Variants in LRP6 observed in about 807,000 individuals in gnomAD.
LRP6 encodes the protein LDL receptor related protein 6.
Under a neutral mutation model 184.1 loss-of-function variants are expected in LRP6, and 43 were observed. The ratio of observed to expected loss-of-function variants is 0.23; its 90% CI spans 0.18 to 0.30. The LOEUF (loss-of-function observed/expected upper bound fraction) is 0.30, where lower values mean the gene tolerates loss of function less well. Among genes scored for constraint, LRP6 ranks in the 10% least tolerant of loss-of-function variants. The pLI, the probability that LRP6 is intolerant of heterozygous loss-of-function variation, is 1.00. For missense variants in LRP6, 1,571 were observed against 2,005.3 expected, an observed-to-expected ratio of 0.78 and a Z score of 4.14; for synonymous variants, 719 against 684.9, an observed-to-expected ratio of 1.05 and a Z score of -0.78.
At chr12:12,238,206 T>A in intron 2 of LRP6, among the ~76,000 whole-genome samples, 1 of 142,808 alleles carries the variant, frequency 7.0e-6, no homozygotes. Flanking sequence ...ATTTTGTATC[T>A]AGATGGCAGG....
intron 15 of LRP6, 57 bp downstream of exon 15, chr12:12,147,309 A>G (rs1950022467): frequency 1.3e-6 from 2 of 1,566,644 alleles, no homozygotes; most frequent in South Asian, 1.1e-5. Context: ...GAAAAACACA[A>G]TAGATGAATC....
intron 1 of LRP6, among the ~76,000 whole-genome samples, chr12:12,254,876 C>T (rs1431230440): frequency 6.6e-6 from 1 of 152,098 alleles, no homozygotes; most frequent in African/African-American, 2.4e-5. Context: ...CAGGAATTCA[C>T]CCAAATTTAT....
chr12:12,126,461 T>C lies in LRP6; in HGVS notation c.4312+230A>G, dbSNP rs3825258. On this transcript the variant is annotated intron_variant, in intron 20 of 22. Transcript: ENST00000261349. The stretch of plus-strand genomic sequence containing the variant: ...ATTGCAGTCAGAGAGGCTTAGAGCT[T>C]GCATATGTATTTGCTTTATATGCTT... 0.19 allele frequency among the ~76,000 whole-genome samples: 29,667 copies of C among 152,200 alleles called. 3,096 individuals are homozygous for C. The highest frequency in any genetic ancestry group is 0.27 in the African/African-American group (11,010 of 41,494).
At chr12:12,263,449 G>A (rs1211859241) in intron 1 of LRP6, among the ~76,000 whole-genome samples, 5 of 151,536 alleles carry the variant, frequency 3.3e-5, no homozygotes, top group Non-Finnish European at 7.4e-5. Context: ...TACTCAGGAG[G>A]CTGAGGCAGG....
chr12:12,209,077 C>T (rs1037695192), intron 2 of LRP6, among the ~76,000 whole-genome samples: 5 of 152,178 alleles, frequency 3.3e-5, no homozygotes, highest in South Asian at 2.1e-4. Flanking sequence ...CTATACTCTG[C>T]GCCGTGTGTG....
At chr12:12,251,673 G>T (rs1865329454) in intron 1 of LRP6, among the ~76,000 whole-genome samples, 1 of 152,020 alleles carries the variant, frequency 6.6e-6, no homozygotes, top group Non-Finnish European at 1.5e-5. Flanking sequence ...CCGCCCATTA[G>T]TCTGCTTTTA....
At chr12:12,134,932 A>G (rs546666286) in intron 17 of LRP6, among the ~76,000 whole-genome samples, 3 of 152,334 alleles carry the variant, frequency 2.0e-5, no homozygotes, top group African/African-American at 7.2e-5. Context: ...CACAAATACT[A>G]CATGATCTCA....
Position 12,149,022 on chromosome 12 carries a change from T to A in LRP6, c.3126A>T (p.Arg1042Ser). ...CCACTCCAACTGATCTCCCATCTAA[T>A]CTTGTCACATTAATGACATTGGTAG... ...CEATNVINVT[R>S]LDGRSVGVVL... Residue 1042 changes from arginine to serine, a missense_variant, in exon 14 of 23, where the codon AGA (arginine) becomes AGT (serine). This residue lies in a region of LRP6 where 763 missense variants were observed against 859.5 expected (regional missense o/e 0.89). Coordinates refer to ENST00000261349, the MANE Select transcript of LRP6 (RefSeq NM_002336.3). The A allele has an allele frequency of 2.5e-6, 4 of 1,614,014 alleles. No individual in the cohort carries two copies. Among genetic ancestry groups the A allele is most frequent in the Non-Finnish European group, 3.4e-6 (4 of 1,179,984 alleles).
chr12:12,125,173 T>A (rs1440951458), intron 21 of LRP6, 123 bp downstream of exon 21: 2 of 1,141,818 alleles, frequency 1.8e-6, no homozygotes, highest in Non-Finnish European at 2.6e-6. Context: ...TTGAGCCTTT[T>A]ATGCCTAAAT....
intron 8 of LRP6, 105 bp from the exon 9 acceptor site, chr12:12,164,667 G>T: frequency 1.9e-6 from 2 of 1,063,954 alleles, no homozygotes; most frequent in Non-Finnish European, 1.4e-6. Context: ...AAATGCCTAT[G>T]ATTATGTCTT....
intron 7 of LRP6, among the ~76,000 whole-genome samples, chr12:12,173,408 T>A (rs1273511487): frequency 6.6e-6 from 1 of 152,184 alleles, no homozygotes; most frequent in Non-Finnish European, 1.5e-5. Flanking sequence ...AGTGGCATGA[T>A]CTCAGCTCGC....
chr12:12,206,570 A>AT, intron 2 of LRP6, among the ~76,000 whole-genome samples: 1 of 149,822 alleles, frequency 6.7e-6, no homozygotes, highest in Middle Eastern at 3.4e-3. Flanking sequence ...AGAATTTTTC[A>AT]TTTTTATTCT....
intron 7 of LRP6, among the ~76,000 whole-genome samples, chr12:12,166,357 G>C (rs1305161602): frequency 2.6e-5 from 4 of 152,212 alleles, no homozygotes; most frequent in Admixed American, 2.6e-4. Flanking sequence ...CATCTAAAAG[G>C]TCATATACTT....
intron 3 of LRP6, among the ~76,000 whole-genome samples, chr12:12,197,680 C>A (rs547308806): frequency 6.6e-6 from 1 of 152,284 alleles, no homozygotes; most frequent in Non-Finnish European, 1.5e-5. Flanking sequence ...TACTCACTTA[C>A]TTGATGCAAC....
chr12:12,188,805 C>T (rs2137009191), intron 3 of LRP6, among the ~76,000 whole-genome samples: 1 of 152,208 alleles, frequency 6.6e-6, no homozygotes, highest in South Asian at 2.1e-4. Context: ...ACTAAAGAGA[C>T]TATATTATTT....
At position 12,243,484 on chromosome 12, in the gene LRP6, T is replaced by C. The variant is rs966495877; in HGVS notation, c.449+778A>G. Among the ~76,000 whole-genome samples, 7 of 152,358 alleles carry C rather than the reference T, an allele frequency of 4.6e-5. No homozygotes were observed. In the South Asian group the frequency reaches 1.4e-3, roughly 32 times the overall value. ...GATTAGTCTATCTCATCTTGGGCTA[T>C]CAAATACTTCTCATTTCATTCCTTC... is the stretch of plus-strand genomic sequence containing the variant. On this transcript the variant is annotated intron_variant, in intron 2 of 22. Coordinates refer to ENST00000261349, the MANE Select transcript of LRP6 (RefSeq NM_002336.3).
chr12:12,257,747 A>C (rs1158877505), intron 1 of LRP6, among the ~76,000 whole-genome samples: 2 of 130,172 alleles, frequency 1.5e-5, no homozygotes, highest in Non-Finnish European at 3.2e-5. Context: ...ATTCGAGACC[A>C]GTCTGAGCAA....
chr12:12,144,560 G>C (rs1949976309), intron 15 of LRP6, among the ~76,000 whole-genome samples: 1 of 152,170 alleles, frequency 6.6e-6, no homozygotes, highest in Admixed American at 6.5e-5. Context: ...AGGACTGTTT[G>C]AGCTAGGGAG....
intron 12 of LRP6, 29 bp from the exon 13 acceptor site, chr12:12,151,067 A>C: frequency 6.4e-7 from 1 of 1,558,172 alleles, no homozygotes; most frequent in Non-Finnish European, 8.8e-7. Context: ...GAAAATCTGA[A>C]ATCTAGTTAC....
Sources: allele counts gnomAD v4.1 joint callset (sites outside exome capture counted in the v4.1 genomes callset), GRCh38; gene constraint gnomAD v4.1.1; regional missense constraint gnomAD v4.1.1; transcripts MANE v1.5; gene names NCBI Gene and HGNC (gene_info 2026-07-23, HGNC 2026-07-21).